The following CPEB3 variants were observed in gnomAD, a reference collection of about 807,000 sequenced individuals.
The protein encoded by CPEB3 is cytoplasmic polyadenylation element binding protein 3, also known as cytoplasmic polyadenylation element-binding protein 3.
Under a neutral mutation model 67.2 loss-of-function variants are expected in CPEB3, and 20 were observed. The observed-to-expected ratio is 0.30, with a 90% CI of 0.21 to 0.43. The LOEUF (loss-of-function observed/expected upper bound fraction) is 0.43, where lower values mean the gene tolerates loss of function less well. Ranked by LOEUF, CPEB3 falls within the 20% of genes least tolerant of loss-of-function variation. CPEB3 has a pLI of 1.00. For missense variants in CPEB3, 746 were observed against 968.6 expected, an observed-to-expected ratio of 0.77 and a Z score of 3.05; for synonymous variants, 376 against 393.1, an observed-to-expected ratio of 0.96 and a Z score of 0.51.
chr10:92,115,117 G>A (rs113414562), intron 6 of CPEB3, among the ~76,000 whole-genome samples: 15,678 of 152,190 alleles, frequency 0.1, 2,698 homozygotes, highest in African/African-American at 0.36. Flanking sequence ...GGAGGAAGTA[G>A]AGCCCGGGAC....
intron 6 of CPEB3, among the ~76,000 whole-genome samples, chr10:92,135,496 A>C (rs1413601620): frequency 6.6e-6 from 1 of 152,250 alleles, no homozygotes; most frequent in Non-Finnish European, 1.5e-5. Context: ...GCAATCATTA[A>C]AATGTCAGGA....
At chr10:92,064,167 T>C (rs1226143934) in intron 9 of CPEB3, among the ~76,000 whole-genome samples, 1 of 152,026 alleles carries the variant, frequency 6.6e-6, no homozygotes, top group African/African-American at 2.4e-5. Context: ...AACAATGAAC[T>C]TGAGGTCATG....
chr10:92,141,935 G>A (rs563950037), intron 6 of CPEB3, among the ~76,000 whole-genome samples: 34 of 150,508 alleles, frequency 2.3e-4, no homozygotes, highest in Non-Finnish European at 4.0e-4. Flanking sequence ...GGAGAATGGC[G>A]TGAATCCAGG....
chr10:92,187,187 A>T (rs1848732454), intron 3 of CPEB3, among the ~76,000 whole-genome samples: 1 of 152,188 alleles, frequency 6.6e-6, no homozygotes, highest in Non-Finnish European at 1.5e-5. Flanking sequence ...AAGGGGTGGC[A>T]TTATCTCTTC....
intron 6 of CPEB3, among the ~76,000 whole-genome samples, chr10:92,111,719 T>A (rs1844752225): frequency 6.6e-6 from 1 of 152,152 alleles, no homozygotes; most frequent in South Asian, 2.1e-4. Context: ...GATGATAAAT[T>A]TTCTAAAATT....
chr10:92,149,396 A>G (rs1282996566), intron 4 of CPEB3, among the ~76,000 whole-genome samples: 1 of 152,242 alleles, frequency 6.6e-6, no homozygotes, highest in Non-Finnish European at 1.5e-5. Context: ...TGAGAGTCTG[A>G]AGAAATCTGT....
intron 1 of CPEB3, among the ~76,000 whole-genome samples, chr10:92,270,924 C>T (rs1308214889): frequency 1.3e-5 from 2 of 152,130 alleles, no homozygotes; most frequent in African/African-American, 4.8e-5. Context: ...CGCCTGTAAT[C>T]CCAGAACTTG....
At chr10:92,216,752 G>C in intron 2 of CPEB3, 1 of 1,609,692 alleles carries the variant, frequency 6.2e-7, no homozygotes, top group Non-Finnish European at 8.5e-7. Context: ...GGCTTACGAC[G>C]AGTGCCTGGA....
intron 4 of CPEB3, among the ~76,000 whole-genome samples, chr10:92,171,948 G>A (rs1848022620): frequency 6.6e-6 from 1 of 152,040 alleles, no homozygotes; most frequent in South Asian, 2.1e-4. Flanking sequence ...TATGGTATTA[G>A]GAGCACTACA....
At chr10:92,253,256 T>C (rs1852373754) in intron 1 of CPEB3, among the ~76,000 whole-genome samples, 1 of 151,620 alleles carries the variant, frequency 6.6e-6, no homozygotes, top group Admixed American at 6.6e-5. Context: ...GGTCAAGAGA[T>C]TAAGACCATC....
At chr10:92,080,567 A>G (rs1021212332) in intron 9 of CPEB3, among the ~76,000 whole-genome samples, 2 of 152,016 alleles carry the variant, frequency 1.3e-5, no homozygotes, top group East Asian at 3.9e-4. Context: ...TTTGACTCCA[A>G]TGATTGCCAC....
At chr10:92,238,109 C>T (rs1379682084) in intron 2 of CPEB3, among the ~76,000 whole-genome samples, 5 of 152,224 alleles carry the variant, frequency 3.3e-5, no homozygotes, top group Non-Finnish European at 7.3e-5. Flanking sequence ...CTACCAAGCA[C>T]TCCTCAAAGG....
At chr10:92,278,737 A>G (rs550476999) in intron 1 of CPEB3, among the ~76,000 whole-genome samples, 2 of 151,208 alleles carry the variant, frequency 1.3e-5, no homozygotes, top group East Asian at 3.9e-4. Context: ...AGTAGCTGGG[A>G]TTACAGGCGC....
intron 1 of CPEB3, among the ~76,000 whole-genome samples, chr10:92,288,447 T>G (rs909888197): frequency 7.7e-6 from 1 of 130,560 alleles, no homozygotes; most frequent in African/African-American, 2.8e-5. Context: ...AAAGCGAGAC[T>G]CTGTCTCAAA....
At chr10:92,222,108 A>G (rs1265965487) in intron 2 of CPEB3, among the ~76,000 whole-genome samples, 2 of 152,170 alleles carry the variant, frequency 1.3e-5, no homozygotes, top group African/African-American at 4.8e-5. Flanking sequence ...CACATTCAAC[A>G]GCCGTGACCA....
At chr10:92,228,760 C>T (rs947450300) in intron 2 of CPEB3, among the ~76,000 whole-genome samples, 8 of 151,114 alleles carry the variant, frequency 5.3e-5, no homozygotes, top group Non-Finnish European at 8.8e-5. Context: ...GTTGCCCAGG[C>T]TGGAGTGCAG....
chr10:92,178,574 C>T (rs1013481840), intron 4 of CPEB3, among the ~76,000 whole-genome samples: 2 of 152,122 alleles, frequency 1.3e-5, no homozygotes, highest in African/African-American at 2.4e-5. Context: ...GGTGTGGTGG[C>T]TCACACCTTT....
At chr10:92,115,636 T>C (rs997677521) in intron 6 of CPEB3, among the ~76,000 whole-genome samples, 1 of 152,196 alleles carries the variant, frequency 6.6e-6, no homozygotes, top group African/African-American at 2.4e-5. Flanking sequence ...CCTGTTTCTT[T>C]GAGGAATAGA....
intron 1 of CPEB3, among the ~76,000 whole-genome samples, chr10:92,273,502 T>G (rs1853390274): frequency 6.6e-6 from 1 of 152,150 alleles, no homozygotes; most frequent in Non-Finnish European, 1.5e-5. Flanking sequence ...ACTCCTTAAG[T>G]AGAGGAAGAC....
Sources: gnomAD v4.1 joint callset for allele counts (sites outside exome capture counted in the v4.1 genomes callset) on GRCh38, gnomAD v4.1.1 for gene constraint, MANE v1.5 for transcripts, NCBI Gene and HGNC (gene_info 2026-07-23, HGNC 2026-07-21) for gene names.